The following MSH3 variants were observed in gnomAD, a reference collection of about 807,000 sequenced individuals.
MSH3 encodes the protein DNA mismatch repair protein Msh3.
A neutral mutation model predicts 123.3 loss-of-function variants in MSH3; 106 were observed. That is an observed-to-expected ratio of 0.86 (90% CI 0.73 to 1.01). The LOEUF is 1.01. MSH3 is among the 50% of genes least tolerant of loss of function. The pLI, the probability that MSH3 is intolerant of heterozygous loss-of-function variation, is 0.00. For synonymous variants in MSH3, 515 were observed against 481.4 expected (o/e 1.07, Z -0.91); for missense variants, 1,459 against 1,347.6 (o/e 1.08, Z -1.29).
At chr5:80,697,571 T>C (rs1382687968) in intron 8 of MSH3, among the ~76,000 whole-genome samples, 1 of 152,178 alleles carries the variant, frequency 6.6e-6, no homozygotes, top group African/African-American at 2.4e-5. Context: ...GTCAGTATTA[T>C]TGAAGGTAAA....
rs1744488722 is a variant in MSH3 at position 80,785,457 on chromosome 5, A to G, written c.2436-2108A>G. Among the ~76,000 whole-genome samples, 3 of 152,276 alleles carry G rather than the reference A, an allele frequency of 2.0e-5. No individual in the cohort carries two copies. In the East Asian group the frequency reaches 5.8e-4, roughly 29 times the overall value. ...GCAATCATTAAAAAGTCAGGAAACA[A>G]CAGGTGCTGGAGAGGATGTGGAGAA... On this transcript the variant is annotated intron_variant, in intron 17 of 23. Coordinates refer to ENST00000265081, the MANE Select transcript of MSH3 (RefSeq NM_002439.5).
intron 15 of MSH3, among the ~76,000 whole-genome samples, chr5:80,770,186 T>C (rs1364896030): frequency 6.6e-6 from 1 of 152,158 alleles, no homozygotes; most frequent in East Asian, 1.9e-4. Context: ...ATTCTGGCTA[T>C]TGGTTTAAAA....
chr5:80,761,792 A>G, intron 13 of MSH3, 114 bp downstream of exon 13: 5 of 1,189,222 alleles, frequency 4.2e-6, no homozygotes, highest in Non-Finnish European at 6.1e-6. Context: ...AAAATCTTAC[A>G]AATAGCATGC....
intron 10 of MSH3, among the ~76,000 whole-genome samples, chr5:80,738,764 C>A (rs1037743461): frequency 6.6e-6 from 1 of 152,128 alleles, no homozygotes; most frequent in East Asian, 1.9e-4. Context: ...ATGTTTGTGC[C>A]CTTCAAAATT....
chr5:80,761,303 G>A (rs1744027545), intron 12 of MSH3, among the ~76,000 whole-genome samples: 1 of 152,180 alleles, frequency 6.6e-6, no homozygotes, highest in Admixed American at 6.5e-5. Flanking sequence ...GAGGGGCCAG[G>A]CTCCTCCCTG....
At chr5:80,707,186 A>C (rs1354698951) in intron 8 of MSH3, among the ~76,000 whole-genome samples, 1 of 152,216 alleles carries the variant, frequency 6.6e-6, no homozygotes, top group Non-Finnish European at 1.5e-5. Context: ...TATGCAATTC[A>C]CCCATGTTGT....
intron 19 of MSH3, among the ~76,000 whole-genome samples, chr5:80,794,628 T>C (rs6151856): frequency 1.3e-5 from 2 of 152,160 alleles, no homozygotes; most frequent in African/African-American, 2.4e-5. Context: ...CAAGATCTTA[T>C]GTATGGCTAT....
chr5:80,787,744 CTT>C lies in MSH3; in HGVS notation c.2543+74_2543+75del, dbSNP rs1298452723. 4.8e-6 allele frequency: 5 copies of C among 1,036,324 alleles called. No homozygotes were observed. In the African/African-American group the frequency reaches 8.0e-5, roughly 17 times the overall value. The allele number at this position is 1,036,324 out of a possible 1,614,324, so 64.2% of individuals were successfully genotyped here. A position where few individuals can be genotyped will look rare whatever the true frequency, so the allele number is the denominator to read the frequency against. On this transcript the variant is annotated intron_variant, in intron 18 of 23. Coordinates refer to ENST00000265081, the MANE Select transcript of MSH3 (RefSeq NM_002439.5). The stretch of plus-strand genomic sequence containing the variant: ...GACATTATTCAATTAATTATAGTGT[CTT>C]TATTATAAAATATTACAGTTACTCA...
At chr5:80,781,129 TA>T in intron 17 of MSH3, among the ~76,000 whole-genome samples, 1 of 152,204 alleles carries the variant, frequency 6.6e-6, no homozygotes, top group South Asian at 2.1e-4. Context: ...AAATTTTGTC[TA>T]TTCAGTTTCT....
intron 15 of MSH3, among the ~76,000 whole-genome samples, chr5:80,773,663 A>G (rs964483071): frequency 6.6e-6 from 1 of 152,248 alleles, no homozygotes; most frequent in Non-Finnish European, 1.5e-5. Context: ...AAAAGTTCTC[A>G]TAGCTCTCTC....
At chr5:80,795,584 A>G (rs1311939667) in intron 19 of MSH3, among the ~76,000 whole-genome samples, 3 of 152,152 alleles carry the variant, frequency 2.0e-5, no homozygotes. Context: ...TTCTAATACC[A>G]TTGCCTTGAG....
intron 8 of MSH3, among the ~76,000 whole-genome samples, chr5:80,723,105 A>ATAAATAAATAAAT (rs1295421992): frequency 6.7e-6 from 1 of 148,678 alleles, no homozygotes; most frequent in Non-Finnish European, 1.5e-5. Context: ...AAATAAATAA[A>ATAAATAAATAAAT]TAAATAAATA....
intron 19 of MSH3, among the ~76,000 whole-genome samples, chr5:80,794,552 A>G (rs1744665867): frequency 1.3e-5 from 2 of 152,180 alleles, no homozygotes; most frequent in African/African-American, 2.4e-5. Flanking sequence ...TATGTGAGAG[A>G]GAAGGTATCA....
rs1193226227 is a variant in MSH3, at chr5:80,864,793, A to C, written c.3001-20A>C. The C allele has an allele frequency of 6.3e-7, 1 of 1,596,910 alleles. No homozygotes were observed. Among genetic ancestry groups the C allele is most frequent in the South Asian group, 1.1e-5 (1 of 90,494 alleles). ...AAAATTTAAAAATGAAATAACATTT[A>C]TTCTGTCTTATTGCTTTAGGTGAAA... On this transcript the variant is annotated intron_variant, in intron 21 of 23. Coordinates refer to ENST00000265081, the MANE Select transcript of MSH3 (RefSeq NM_002439.5).
chr5:80,823,560 A>G (rs1007045955), intron 20 of MSH3, among the ~76,000 whole-genome samples: 27 of 152,114 alleles, frequency 1.8e-4, no homozygotes, highest in Non-Finnish European at 3.5e-4. Flanking sequence ...AGATTCATGT[A>G]TTTAATTTTC....
chr5:80,829,736 C>G (rs1168836540), intron 20 of MSH3, among the ~76,000 whole-genome samples: 1 of 152,140 alleles, frequency 6.6e-6, no homozygotes, highest in African/African-American at 2.4e-5. Flanking sequence ...TAAGGTAATG[C>G]TGGCCTTATA....
At chr5:80,691,855 A>G (rs1008502031) in intron 8 of MSH3, among the ~76,000 whole-genome samples, 3 of 146,692 alleles carry the variant, frequency 2.0e-5, no homozygotes, top group Admixed American at 6.9e-5. Flanking sequence ...ATATATTTAT[A>G]TAGCTAAACA....
chr5:80,865,190 A>G (rs544479097), intron 22 of MSH3, among the ~76,000 whole-genome samples: 2 of 152,010 alleles, frequency 1.3e-5, no homozygotes, highest in East Asian at 3.9e-4. Flanking sequence ...CTCTTTTTTT[A>G]CAGGAATAGG....
intron 19 of MSH3, among the ~76,000 whole-genome samples, chr5:80,804,778 G>C: frequency 6.6e-6 from 1 of 152,168 alleles, no homozygotes; most frequent in Admixed American, 6.5e-5. Flanking sequence ...ACCACTGTCT[G>C]ACTACCATCT....
Sources: gnomAD v4.1 joint callset for allele counts (sites outside exome capture counted in the v4.1 genomes callset) on GRCh38, gnomAD v4.1.1 for gene constraint, MANE v1.5 for transcripts, NCBI Gene and HGNC (gene_info 2026-07-23, HGNC 2026-07-21) for gene names.